GAN: variants seen among roughly 807,000 people sequenced by gnomAD.
The protein encoded by GAN is gigaxonin.
A neutral mutation model predicts 71.3 loss-of-function variants in GAN; 48 were observed. That is an observed-to-expected ratio of 0.67 (90% CI 0.53 to 0.86). The LOEUF (loss-of-function observed/expected upper bound fraction) is 0.86. Ranked by LOEUF, GAN falls within the 40% of genes least tolerant of loss-of-function variation. GAN has a pLI of 0.00. For missense variants in GAN, 928 were observed against 770.1 expected (o/e 1.21, Z -2.43); for synonymous variants, 386 against 276.8 (o/e 1.39, Z -3.92).
intron 1 of GAN, among the ~76,000 whole-genome samples, chr16:81,345,692 T>C (rs1310712371): frequency 6.6e-6 from 1 of 152,200 alleles, no homozygotes; most frequent in Non-Finnish European, 1.5e-5. Flanking sequence ...CATGTATACC[T>C]GTGTAACAAA....
chr16:81,369,549 C>G (rs932785823), intron 9 of GAN, among the ~76,000 whole-genome samples: 2 of 152,212 alleles, frequency 1.3e-5, no homozygotes, highest in African/African-American at 4.8e-5. Flanking sequence ...TTCTTTTACT[C>G]TTTTCTAGCT....
chr16:81,372,452 A>C (rs1222768480), intron 9 of GAN, among the ~76,000 whole-genome samples: 1 of 152,234 alleles, frequency 6.6e-6, no homozygotes, highest in Non-Finnish European at 1.5e-5. Context: ...GTGAGATGAT[A>C]AATGACATGT....
At chr16:81,357,358 T>A (rs576464475) in intron 4 of GAN, among the ~76,000 whole-genome samples, 1 of 152,184 alleles carries the variant, frequency 6.6e-6, no homozygotes, top group African/African-American at 2.4e-5. Flanking sequence ...TATGCGGTGT[T>A]TGGTTTTTTG....
chr16:81,359,408 T>TTG (rs1910597169), intron 5 of GAN, among the ~76,000 whole-genome samples: 1 of 150,010 alleles, frequency 6.7e-6, no homozygotes, highest in Admixed American at 6.6e-5. Flanking sequence ...CTGCATTGTT[T>TTG]TTTTTTTTTT....
At chr16:81,316,637 T>G (rs923693735) in intron 1 of GAN, among the ~76,000 whole-genome samples, 9 of 152,228 alleles carry the variant, frequency 5.9e-5, no homozygotes, top group African/African-American at 1.9e-4. Flanking sequence ...TCTTCCCTGT[T>G]TGGGAAAATG....
At chr16:81,352,820 A>G (rs1462980474) in intron 2 of GAN, among the ~76,000 whole-genome samples, 1 of 152,228 alleles carries the variant, frequency 6.6e-6, no homozygotes, top group Admixed American at 6.5e-5. Context: ...GCTCTGTAGC[A>G]TCACATAACC....
rs1314418685 is a variant in GAN at position 81,385,166 on chromosome 16, A to T, written c.*7570A>T. The T allele has an allele frequency of 6.6e-6, 1 of 152,192 alleles. No individual in the cohort carries two copies. Among genetic ancestry groups the T allele is most frequent in the Admixed American group, 6.5e-5 (1 of 15,278 alleles). The allele number at this position is 152,192 out of a possible 1,614,324, so 9.4% of individuals were successfully genotyped here. On this transcript the variant is annotated 3_prime_UTR_variant, in exon 11 of 11. Coordinates refer to ENST00000648994, the MANE Select transcript of GAN (RefSeq NM_022041.4). ...TCAGAGTAAAGGGCTTGCTTTCAATAGTAGAATGACAAAGCTTCTCCTCCA... is the reference window on the plus strand; with the variant it reads ...TCAGAGTAAAGGGCTTGCTTTCAATTGTAGAATGACAAAGCTTCTCCTCCA...
intron 1 of GAN, among the ~76,000 whole-genome samples, chr16:81,327,879 G>A (rs7200201): frequency 0.92 from 140,344 of 152,280 alleles, 64,782 homozygotes; most frequent in Middle Eastern, 0.95. Context: ...AATAGCCTCC[G>A]AAATAGAATA....
At chr16:81,376,414 G>C (rs1904279786) in intron 9 of GAN, among the ~76,000 whole-genome samples, 1 of 151,396 alleles carries the variant, frequency 6.6e-6, no homozygotes, top group Non-Finnish European at 1.5e-5. Context: ...GAGCCCAGGA[G>C]CTCAAGACCA....
At position 81,388,841 on chromosome 16, in the gene GAN, G is replaced by T. The variant is rs1019693455; in HGVS notation, c.*11245G>T. 1.3e-5 allele frequency: 2 copies of T among 152,250 alleles called. No homozygotes were observed. The highest frequency in any genetic ancestry group is 2.9e-5 in the Non-Finnish European group (2 of 68,032). The allele number at this position is 152,250 out of a possible 1,614,324, so 9.4% of individuals were successfully genotyped here. ...CAAATCGTTGTGGGATCGGAAACTA[G>T]AACTGCTTGTTTCCAGGAGAGACCA... On this transcript the variant is annotated 3_prime_UTR_variant, in exon 11 of 11. Transcript: ENST00000648994.
intron 1 of GAN, among the ~76,000 whole-genome samples, chr16:81,338,346 G>A (rs2216770): frequency 0.014 from 2,086 of 152,234 alleles, 40 homozygotes; most frequent in Admixed American, 0.057. Flanking sequence ...CTGAGGTGGG[G>A]ACAGAGAACA....
rs1441857289 is a variant in GAN, at chr16:81,382,615, A to C, written c.*5019A>C. ...TTTAATAATTCTTGAAATACTCTTT[A>C]CTCTGTCTGTAGTTTTGAGAAATTA... On this transcript the variant is annotated 3_prime_UTR_variant, in exon 11 of 11. Coordinates refer to ENST00000648994, the MANE Select transcript of GAN (RefSeq NM_022041.4). 2 of 152,036 alleles carry C rather than the reference A, an allele frequency of 1.3e-5. No individual in the cohort carries two copies. Among genetic ancestry groups the C allele is most frequent in the East Asian group, 3.9e-4 (2 of 5,192 alleles). The allele number at this position is 152,036 out of a possible 1,614,324, so 9.4% of individuals were successfully genotyped here. A position where few individuals can be genotyped will look rare whatever the true frequency, so the allele number is the denominator to read the frequency against.
chr16:81,380,270 A>G lies in GAN; in HGVS notation c.*2674A>G, dbSNP rs1468866605. The G allele has an allele frequency of 1.3e-5, 2 of 152,596 alleles. No individual in the cohort carries two copies. Among genetic ancestry groups the G allele is most frequent in the African/African-American group, 4.8e-5 (2 of 41,444 alleles). The allele number at this position is 152,596 out of a possible 1,614,324, so 9.5% of individuals were successfully genotyped here. A position where few individuals can be genotyped will look rare whatever the true frequency, so the allele number is the denominator to read the frequency against. On this transcript the variant is annotated 3_prime_UTR_variant, in exon 11 of 11. Coordinates refer to ENST00000648994, the MANE Select transcript of GAN (RefSeq NM_022041.4). ...ACTTCTTTCTTGATAAGGCACTTTTACCAGGTGTGTGTTGGAATTGGTGGC... is the reference window on the plus strand; with the variant it reads ...ACTTCTTTCTTGATAAGGCACTTTTGCCAGGTGTGTGTTGGAATTGGTGGC...
At chr16:81,327,265 C>T (rs1232825242) in intron 1 of GAN, among the ~76,000 whole-genome samples, 5 of 152,192 alleles carry the variant, frequency 3.3e-5, no homozygotes, top group Admixed American at 2.6e-4. Flanking sequence ...TTTTCAGCTT[C>T]AAGTTGTTTG....
chr16:81,352,929 G>A lies in GAN; in HGVS notation c.282+1232G>A, dbSNP rs1335274222. ...CCAGTAAGAGCCTATTCATGTTCAG[G>A]CTTGGATTTGAAAGTTGAAACATTA... On this transcript the variant is annotated intron_variant, in intron 2 of 10. Transcript: ENST00000648994. Among the ~76,000 whole-genome samples the A allele has an allele frequency of 2.0e-5, 3 of 152,194 alleles. No individual in the cohort carries two copies. In the East Asian group the frequency reaches 5.8e-4, roughly 29 times the overall value.
chr16:81,333,560 A>T (rs988788971), intron 1 of GAN, among the ~76,000 whole-genome samples: 1 of 152,222 alleles, frequency 6.6e-6, no homozygotes. Context: ...ACTTTCTATC[A>T]TGAAACATAA....
rs1904532932 is a variant in GAN at position 81,390,600 on chromosome 16, T to C, written c.*13004T>C. 3 of 152,332 alleles carry C rather than the reference T, an allele frequency of 2.0e-5. No individual in the cohort carries two copies. Among genetic ancestry groups the C allele is most frequent in the Non-Finnish European group, 1.5e-5 (1 of 68,032 alleles). The allele number at this position is 152,332 out of a possible 1,614,324, so 9.4% of individuals were successfully genotyped here. A position where few individuals can be genotyped will look rare whatever the true frequency, so the allele number is the denominator to read the frequency against. ...GTGAAAGTGTTTTATCTTTTTTATG[T>C]AGTTTGTATTGACTGGATTTTATAA... is the stretch of plus-strand genomic sequence containing the variant. On this transcript the variant is annotated 3_prime_UTR_variant, in exon 11 of 11. Transcript: ENST00000648994.
chr16:81,382,954 G>C lies in GAN; in HGVS notation c.*5358G>C, dbSNP rs898480436. 4.6e-5 allele frequency: 7 copies of C among 152,028 alleles called. No homozygotes were observed. The highest frequency in any genetic ancestry group is 1.0e-4 in the Non-Finnish European group (7 of 67,998). 9.4% of individuals were successfully genotyped at this position (152,028 alleles called of 1,614,324 possible). On this transcript the variant is annotated 3_prime_UTR_variant, in exon 11 of 11. Transcript: ENST00000648994. Reference sequence around the variant, plus strand: ...GGTCTAATGTATACAGTTTAGGAAAGTTTATTCTTTTTTATTTTATTTTAT... The same window carrying C: ...GGTCTAATGTATACAGTTTAGGAAACTTTATTCTTTTTTATTTTATTTTAT...
intron 1 of GAN, among the ~76,000 whole-genome samples, chr16:81,332,671 C>T (rs1221342810): frequency 6.6e-6 from 1 of 152,232 alleles, no homozygotes; most frequent in East Asian, 1.9e-4. Flanking sequence ...GCCATGTCTC[C>T]TTAGTCTCCA....
Sources: allele counts gnomAD v4.1 joint callset (sites outside exome capture counted in the v4.1 genomes callset), GRCh38; gene constraint gnomAD v4.1.1; transcripts MANE v1.5; gene names NCBI Gene and HGNC (gene_info 2026-07-23, HGNC 2026-07-21).